The following SYNJ1 variants were observed in gnomAD, a reference collection of about 807,000 sequenced individuals.
The protein encoded by SYNJ1 is polyphosphatidylinositol phosphatase SYNJ1.
In SYNJ1, 78 loss-of-function variants were observed where a neutral mutation model predicts 168.2. The observed-to-expected ratio is 0.46, with a 90% CI of 0.39 to 0.56. The LOEUF (loss-of-function observed/expected upper bound fraction) is 0.56. Among genes scored for constraint, SYNJ1 ranks in the 20% least tolerant of loss-of-function variants. SYNJ1 has a pLI of 0.00. For missense variants in SYNJ1, 1,303 were observed against 1,597.6 expected (o/e 0.82, Z 3.14); for synonymous variants, 539 against 548.6 (o/e 0.98, Z 0.24).
chr21:32,711,922 G>A (rs1293533168), intron 2 of SYNJ1, among the ~76,000 whole-genome samples: 1 of 152,144 alleles, frequency 6.6e-6, no homozygotes, highest in Non-Finnish European at 1.5e-5. Flanking sequence ...AGAGCAATAG[G>A]TAACTTAAAT....
At position 32,639,724 on chromosome 21, in the gene SYNJ1, G is replaced by T; in HGVS notation, c.3644C>A (p.Ser1215Tyr). ...GCTTTCAGGAGTCAGTCTTCCAGCA[G>T]ATGCCCGCGCGTGGCTCTGTGGGGC... is the stretch of plus-strand genomic sequence containing the variant. ...ISAPQSHARASAGRLTPESQS... is the reference protein window; with the variant it reads ...ISAPQSHARAYAGRLTPESQS... Residue 1215 changes from serine (S) to tyrosine (Y), a missense_variant, in exon 30 of 33, where the codon TCT becomes TAT. Around this residue, in one of 2 missense-constraint regions of SYNJ1, gnomAD observed 383 missense variants for 388.8 expected, o/e 0.99. Coordinates refer to ENST00000674351, the MANE Select transcript of SYNJ1 (RefSeq NM_203446.3). 2 of 1,614,168 alleles carry T rather than the reference G, an allele frequency of 1.2e-6. No homozygotes were observed. The highest frequency in any genetic ancestry group is 2.2e-5 in the South Asian group (2 of 91,076).
chr21:32,696,153 T>A (rs1044926645), intron 4 of SYNJ1, among the ~76,000 whole-genome samples: 2 of 152,174 alleles, frequency 1.3e-5, no homozygotes, highest in South Asian at 2.1e-4. Context: ...CGCCCGCCCA[T>A]GAAGCTCTAC....
chr21:32,670,936 G>T, intron 14 of SYNJ1: 2 of 492,828 alleles, frequency 4.1e-6, no homozygotes, highest in Non-Finnish European at 5.3e-6. Flanking sequence ...GACTAACGGA[G>T]AACAGAGCTG....
At position 32,694,918 on chromosome 21, in the gene SYNJ1, C is replaced by T. The variant is rs986530600; in HGVS notation, c.705+139G>A. 7 of 928,144 alleles carry T rather than the reference C, an allele frequency of 7.5e-6. No homozygotes were observed. The South Asian group carries it at 1.2e-4, about 16-fold the overall frequency. 57.5% of individuals were successfully genotyped at this position (928,144 alleles called of 1,614,324 possible). On this transcript the variant is annotated intron_variant, in intron 5 of 32. Transcript: ENST00000674351. ...TTTTTAGGGAAGCCTTTTTTTAAGGCCCATAAGTAACCAAGAACAATCATA... is the reference window on the plus strand; with the variant it reads ...TTTTTAGGGAAGCCTTTTTTTAAGGTCCATAAGTAACCAAGAACAATCATA...
At chr21:32,703,743 T>TA (rs1158815538) in intron 2 of SYNJ1, among the ~76,000 whole-genome samples, 3 of 151,908 alleles carry the variant, frequency 2.0e-5, no homozygotes, top group Non-Finnish European at 4.4e-5. Context: ...TTTTATTTTT[T>TA]TTTTTTGAGA....
chr21:32,726,942 C>T, intron 1 of SYNJ1, 25 bp from the exon 2 acceptor site: 1 of 1,611,020 alleles, frequency 6.2e-7, no homozygotes, highest in Non-Finnish European at 8.5e-7. Context: ...CAAAGCAAAG[C>T]AAATGAAGCT....
At chr21:32,663,748 C>G (rs541667934) in intron 18 of SYNJ1, among the ~76,000 whole-genome samples, 1 of 152,184 alleles carries the variant, frequency 6.6e-6, no homozygotes. Context: ...CATGCTCAAC[C>G]GAATCATACG....
In SYNJ1 at chr21:32,695,262, T is replaced by C; in HGVS notation, c.500A>G (p.His167Arg). 6.2e-7 allele frequency: 1 copy of C among 1,614,002 alleles called. No individual in the cohort carries two copies. Among genetic ancestry groups the C allele is most frequent in the Middle Eastern group, 1.7e-4 (1 of 6,058 alleles). ...RFFWNQSLHL[H>R]LKHYGVNCDD... ...ACAATTCACGCCATAGTGTTTGAGA[T>C]GCAAATGCAAAGACTGATTCCTAAT... Residue 167 changes from histidine (H) to arginine (R), a missense_variant, in exon 5 of 33, where the codon CAT becomes CGT. His to Arg is a conservative substitution (Grantham distance 29). Around this residue, in one of 2 missense-constraint regions of SYNJ1, gnomAD observed 920 missense variants for 1,208.8 expected, o/e 0.76. Coordinates refer to ENST00000674351, the MANE Select transcript of SYNJ1 (RefSeq NM_203446.3).
rs2041909060 is a variant in SYNJ1 at position 32,688,465 on chromosome 21, CA to C, written c.790-99del. 5 of 978,268 alleles carry C rather than the reference CA, an allele frequency of 5.1e-6. No individual in the cohort carries two copies. The East Asian group carries it at 1.3e-4, about 26-fold the overall frequency. 60.6% of individuals were successfully genotyped at this position (978,268 alleles called of 1,614,324 possible). ...TATCTAACAATTTCTTTGCTGAACA[CA>C]CAGTCGTTAATCAAATAACTGATTT... On this transcript the variant is annotated intron_variant, in intron 6 of 32. Transcript: ENST00000674351.
At chr21:32,635,353 C>T (rs986071283) in intron 31 of SYNJ1, among the ~76,000 whole-genome samples, 13 of 152,054 alleles carry the variant, frequency 8.5e-5, no homozygotes, top group Admixed American at 2.0e-4. Context: ...AGAAGAGACA[C>T]CAGAGAGCGT....
intron 11 of SYNJ1, among the ~76,000 whole-genome samples, chr21:32,680,068 T>A (rs920835939): frequency 2.6e-5 from 4 of 152,136 alleles, no homozygotes; most frequent in African/African-American, 9.6e-5. Context: ...AGAATCAGCT[T>A]TTAATAGCAA....
intron 18 of SYNJ1, among the ~76,000 whole-genome samples, chr21:32,658,213 C>T (rs1329278066): frequency 1.3e-5 from 2 of 152,216 alleles, no homozygotes; most frequent in Admixed American, 1.3e-4. Flanking sequence ...TTTCCAAAAC[C>T]ACCCATGGCC....
At chr21:32,678,880 T>G (rs1316226500) in intron 11 of SYNJ1, 79 bp from the exon 12 acceptor site, 1 of 1,546,122 alleles carries the variant, frequency 6.5e-7, no homozygotes, top group African/African-American at 1.4e-5. Context: ...TTTTGAAATT[T>G]TAAATCAGTT....
chr21:32,688,666 CTTTGT>C (rs1453212221), intron 6 of SYNJ1, among the ~76,000 whole-genome samples: 1 of 152,114 alleles, frequency 6.6e-6, no homozygotes. Flanking sequence ...ATATATGGTA[CTTTGT>C]TTTAAGTTCA....
intron 5 of SYNJ1, 128 bp from the exon 6 acceptor site, chr21:32,694,439 T>C: frequency 1.5e-6 from 1 of 660,228 alleles, no homozygotes; most frequent in Middle Eastern, 4.7e-4. Context: ...CATATACAAT[T>C]GTCCAAAACA....
chr21:32,677,359 G>A lies in SYNJ1; in HGVS notation c.1511-1004C>T, dbSNP rs545808104. ...AACAGTTCCCTAATATATCATATTG[G>A]AACAAATTCCCATTCTCAGAACAAG... On this transcript the variant is annotated intron_variant, in intron 12 of 32. Coordinates refer to ENST00000674351, the MANE Select transcript of SYNJ1 (RefSeq NM_203446.3). Among the ~76,000 whole-genome samples, 111 of 152,234 alleles carry A rather than the reference G, an allele frequency of 7.3e-4. 1 individual carries two copies. The highest frequency in any genetic ancestry group is 3.4e-3 in the Middle Eastern group (1 of 294).
At chr21:32,641,783 G>A in intron 29 of SYNJ1, 113 bp downstream of exon 29, 1 of 655,118 alleles carries the variant, frequency 1.5e-6, no homozygotes, top group South Asian at 2.2e-5. Context: ...TTTTAGAGAT[G>A]AGGAAATTGA....
chr21:32,651,802 T>C (rs530168148), intron 22 of SYNJ1, among the ~76,000 whole-genome samples: 3 of 152,186 alleles, frequency 2.0e-5, no homozygotes, highest in East Asian at 1.9e-4. Context: ...TAGATGTCTA[T>C]AGGAGTTTGG....
intron 4 of SYNJ1, among the ~76,000 whole-genome samples, chr21:32,696,198 A>G (rs1463818213): frequency 6.6e-6 from 1 of 152,170 alleles, no homozygotes; most frequent in Non-Finnish European, 1.5e-5. Context: ...CTCTATTTTA[A>G]TTAATTTAAA....
Sources: allele counts gnomAD v4.1 joint callset (sites outside exome capture counted in the v4.1 genomes callset), GRCh38; gene constraint gnomAD v4.1.1; regional missense constraint gnomAD v4.1.1; transcripts MANE v1.5; gene names NCBI Gene and HGNC (gene_info 2026-07-23, HGNC 2026-07-21).